Variants in INO80D observed in about 807,000 individuals in gnomAD.
INO80D encodes the protein INO80 complex subunit D.
Under a neutral mutation model 87.6 loss-of-function variants are expected in INO80D, and 21 were observed. The ratio of observed to expected loss-of-function variants is 0.24; its 90% CI spans 0.17 to 0.35. The LOEUF is 0.35. Ranked by LOEUF, INO80D falls within the 10% of genes least tolerant of loss-of-function variation. The probability of loss-of-function intolerance (pLI) is 1.00; values close to 1 mark genes in which losing one functional copy is unlikely to be tolerated. For synonymous variants in INO80D, 440 were observed against 491.0 expected, an observed-to-expected ratio of 0.90 and a Z score of 1.37; for missense variants, 982 against 1,280.7, an observed-to-expected ratio of 0.77 and a Z score of 3.56.
rs1216467185 is a variant in INO80D at position 206,028,167 on chromosome 2, T to C, written c.1242A>G (p.Pro414=). The C allele has an allele frequency of 1.9e-6, 3 of 1,583,090 alleles. No homozygotes were observed. The highest frequency in any genetic ancestry group is 2.6e-6 in the Non-Finnish European group (3 of 1,164,898). ...CTTGTATTAACTGACCAGTGCATTC[T>C]GGTTCTTTACTGGCCGCCTGCAGCA... The part of the protein sequence containing the change: ...KALLQAASKE[P]ECTGQLIQEL... Residue 414 remains proline (P), a synonymous_variant, in exon 6 of 11, where the codon CCA becomes CCG. Coordinates refer to ENST00000403263, the MANE Select transcript of INO80D (RefSeq NM_017759.5).
chr2:206,066,760 G>A (rs945497963), intron 1 of INO80D, among the ~76,000 whole-genome samples: 88 of 147,244 alleles, frequency 6.0e-4, no homozygotes, highest in African/African-American at 2.0e-3. Flanking sequence ...AGCCGAGATC[G>A]CACTACTGCA....
intron 5 of INO80D, among the ~76,000 whole-genome samples, chr2:206,040,165 T>C (rs978343337): frequency 6.6e-6 from 1 of 151,416 alleles, no homozygotes; most frequent in African/African-American, 2.4e-5. Context: ...TAGTGGTGCA[T>C]GCCTGTAATC....
At chr2:206,030,993 C>A (rs1404658214) in intron 5 of INO80D, among the ~76,000 whole-genome samples, 1 of 152,142 alleles carries the variant, frequency 6.6e-6, no homozygotes, top group African/African-American at 2.4e-5. Flanking sequence ...CAAGCTTTGT[C>A]AGCTGGCAAG....
Position 206,027,780 on chromosome 2 carries a change from T to C in INO80D, c.1298+331A>G, listed in dbSNP as rs186443008. 1.2e-4 allele frequency among the ~76,000 whole-genome samples: 18 copies of C among 152,312 alleles called. No individual in the cohort carries two copies. The East Asian group carries it at 3.5e-3, about 29-fold the overall frequency. On this transcript the variant is annotated intron_variant, in intron 6 of 10. Coordinates refer to ENST00000403263, the MANE Select transcript of INO80D (RefSeq NM_017759.5). ...GTAAATAAACATAAAATACTACTTT[T>C]GTAGTTAAAAATCTATAAATGTTAC...
Position 206,000,790 on chromosome 2 carries a change from A to G in INO80D, c.*3578T>C, listed in dbSNP as rs1290694380. On this transcript the variant is annotated 3_prime_UTR_variant, in exon 11 of 11. Coordinates refer to ENST00000403263, the MANE Select transcript of INO80D (RefSeq NM_017759.5). ...CAGCTTTCTTTAGCCTCAAGCCACTAAAGACAGTAACACCAATTTTAAGGA... is the reference window on the plus strand; with the variant it reads ...CAGCTTTCTTTAGCCTCAAGCCACTGAAGACAGTAACACCAATTTTAAGGA... 6.6e-6 allele frequency: 1 copy of G among 152,232 alleles called. No individual in the cohort carries two copies. The highest frequency in any genetic ancestry group is 1.9e-4 in the East Asian group (1 of 5,202). 9.4% of individuals were successfully genotyped at this position (152,232 alleles called of 1,614,324 possible).
intron 6 of INO80D, among the ~76,000 whole-genome samples, 153 bp from the exon 7 acceptor site, chr2:206,019,998 A>C (rs1052373157): frequency 2.0e-5 from 3 of 152,252 alleles, no homozygotes; most frequent in Non-Finnish European, 4.4e-5. Context: ...ATTTAAAGAA[A>C]GACGGTATTA....
At chr2:206,060,259 G>A (rs1187009014) in intron 3 of INO80D, among the ~76,000 whole-genome samples, 5 of 152,102 alleles carry the variant, frequency 3.3e-5, no homozygotes, top group East Asian at 1.9e-4. Context: ...ATGGCCGGGC[G>A]CAGTGGAGCA....
Position 206,056,476 on chromosome 2 carries a change from A to C in INO80D, c.686T>G (p.Val229Gly). ...LKPPAPPQGS[V>G]CKSPQPQNTS... is the part of the protein sequence containing the mutation. ...GTTCTGAGGTTGAGGTGACTTGCAG[A>C]CTGAACCCTGCGGTGGCGCTGGAGG... is the stretch of plus-strand genomic sequence containing the variant. Residue 229 changes from valine to glycine, a missense_variant, in exon 4 of 11, where the codon GTC becomes GGC. By Grantham distance (109) the Val-to-Gly change is moderately radical. Coordinates refer to ENST00000403263, the MANE Select transcript of INO80D (RefSeq NM_017759.5). 6.2e-7 allele frequency: 1 copy of C among 1,613,944 alleles called. No individual in the cohort carries two copies. Among genetic ancestry groups the C allele is most frequent in the South Asian group, 1.1e-5 (1 of 91,080 alleles).
At chr2:206,049,442 C>T (rs1189918088) in intron 4 of INO80D, among the ~76,000 whole-genome samples, 3 of 152,156 alleles carry the variant, frequency 2.0e-5, no homozygotes, top group Non-Finnish European at 4.4e-5. Context: ...CACTGAAAAA[C>T]AGAACATGAG....
intron 4 of INO80D, among the ~76,000 whole-genome samples, chr2:206,054,924 G>C (rs1689474785): frequency 1.3e-5 from 2 of 152,142 alleles, no homozygotes; most frequent in African/African-American, 4.8e-5. Context: ...GAGATTACAG[G>C]CATAAGCCAC....
chr2:206,084,208 C>T (rs1398184300), intron 1 of INO80D, among the ~76,000 whole-genome samples: 1 of 145,020 alleles, frequency 6.9e-6, no homozygotes, highest in South Asian at 2.1e-4. Flanking sequence ...TATACATACA[C>T]ATATATTTTT....
Position 206,004,957 on chromosome 2 carries a change from C to G in INO80D, c.2495G>C (p.Ser832Thr), listed in dbSNP as rs1687984713. The change falls in exon 11 of 11, where the codon AGT becomes ACT. Residue 832 changes from serine (S) to threonine (T), a missense_variant. Transcript: ENST00000403263. The surrounding 1 kb of genome is among the most constrained non-coding windows in gnomAD (Gnocchi z 4.9). ...HSSPHGSHYDSEHVPSPYSDH... is the reference protein window; with the variant it reads ...HSSPHGSHYDTEHVPSPYSDH... ...ACTGTAGGGAGACGGCACATGCTCACTATCATAATGGCTTCCATGGGGTGA... is the reference window on the plus strand; with the variant it reads ...ACTGTAGGGAGACGGCACATGCTCAGTATCATAATGGCTTCCATGGGGTGA... 1 of 1,613,902 alleles carries G rather than the reference C, an allele frequency of 6.2e-7. No individual in the cohort carries two copies. The highest frequency in any genetic ancestry group is 1.3e-5 in the African/African-American group (1 of 74,928).
rs538538246 is a variant in INO80D at position 206,077,556 on chromosome 2, G to C, written c.-124+8345C>G. On this transcript the variant is annotated intron_variant, in intron 1 of 10. Transcript: ENST00000403263. Reference sequence around the variant, plus strand: ...GTTCTTGTGATGGAAAACACTAGCAGAATGAGCACTGTTTGACTGATCTGG... The same window carrying C: ...GTTCTTGTGATGGAAAACACTAGCACAATGAGCACTGTTTGACTGATCTGG... Among the ~76,000 whole-genome samples the C allele has an allele frequency of 1.3e-4, 20 of 152,280 alleles. No homozygotes were observed. The South Asian group carries it at 4.1e-3, about 32-fold the overall frequency.
In INO80D at chr2:206,002,507, C is replaced by T. The variant is rs893269977; in HGVS notation, c.*1861G>A. 1 of 151,918 alleles carries T rather than the reference C, an allele frequency of 6.6e-6. No individual in the cohort carries two copies. The highest frequency in any genetic ancestry group is 1.5e-5 in the Non-Finnish European group (1 of 67,994). 9.4% of individuals were successfully genotyped at this position (151,918 alleles called of 1,614,324 possible). On this transcript the variant is annotated 3_prime_UTR_variant, in exon 11 of 11. Coordinates refer to ENST00000403263, the MANE Select transcript of INO80D (RefSeq NM_017759.5). ...AATATATTACAAACATATTTTTGGC[C>T]CACAAAAAGAAACATCAATAAATAC...
intron 4 of INO80D, among the ~76,000 whole-genome samples, chr2:206,052,987 C>CAAT (rs1484962357): frequency 6.6e-6 from 1 of 151,786 alleles, no homozygotes; most frequent in East Asian, 1.9e-4. Context: ...TTTGCAAAGG[C>CAAT]AATAATAACA....
intron 5 of INO80D, among the ~76,000 whole-genome samples, chr2:206,036,166 A>G (rs565259602): frequency 5.2e-4 from 79 of 152,314 alleles, no homozygotes; most frequent in African/African-American, 1.8e-3. Flanking sequence ...TACAGCCACT[A>G]TGGAAAACAG....
rs760035543 is a variant in INO80D at position 206,004,883 on chromosome 2, C to T, written c.2569G>A (p.Ala857Thr). ...GGCATCTCTGCTGAAAAGGTAGCTG[C>T]CATATTATCACCAGAGTACGATGTT... is the stretch of plus-strand genomic sequence containing the variant. ...HTTSYSGDNM[A>T]ATFSAEMPIM... Residue 857 changes from alanine to threonine, a missense_variant, in exon 11 of 11, where the codon GCA (alanine) becomes ACA (threonine). Coordinates refer to ENST00000403263, the MANE Select transcript of INO80D (RefSeq NM_017759.5). This position sits in a 1 kb window ranked among gnomAD's most constrained non-coding sequence, Gnocchi z 4.9. 6.2e-7 allele frequency: 1 copy of T among 1,613,962 alleles called. No individual in the cohort carries two copies. The highest frequency in any genetic ancestry group is 1.3e-5 in the African/African-American group (1 of 75,032).
Position 206,009,805 on chromosome 2 carries a change from A to AG in INO80D, c.1543-12_1543-11insC, listed in dbSNP as rs767131405. 91 of 1,590,298 alleles carry AG rather than the reference A, an allele frequency of 5.7e-5. No individual in the cohort carries two copies. The African/African-American group carries it at 1.1e-3, about 20-fold the overall frequency. On this transcript the variant is annotated splice_polypyrimidine_tract_variant and intron_variant, in intron 8 of 10. Coordinates refer to ENST00000403263, the MANE Select transcript of INO80D (RefSeq NM_017759.5). ...TCTCAAGAAATTATCCTTTGGAATG[A>AG]ATAAATAGGCTTTTAAATTGAGATT... is the stretch of plus-strand genomic sequence containing the variant.
chr2:206,050,402 G>A (rs1157306734), intron 4 of INO80D, among the ~76,000 whole-genome samples: 4 of 148,788 alleles, frequency 2.7e-5, no homozygotes, highest in African/African-American at 7.5e-5. Context: ...TGAGGCAGGA[G>A]AATCGCTTGA....
Sources: gnomAD v4.1 joint callset for allele counts (sites outside exome capture counted in the v4.1 genomes callset) on GRCh38, gnomAD v4.1.1 for gene constraint, Gnocchi (gnomAD v3.1) non-coding constraint, MANE v1.5 for transcripts, NCBI Gene and HGNC (gene_info 2026-07-23, HGNC 2026-07-21) for gene names.